Variants in ARK2C observed in about 807,000 individuals in gnomAD.
ARK2C encodes the protein E3 ubiquitin-protein ligase ARK2C.
At chr18:46,376,338 TC>T in the ARK2C span, among the ~76,000 whole-genome samples, 1 of 152,234 alleles carries the variant, frequency 6.6e-6, no homozygotes, top group African/African-American at 2.4e-5. Context: ...AAACTGAGGT[TC>T]CGTGTGGTTA....
At chr18:46,422,155 C>T in the ARK2C span, among the ~76,000 whole-genome samples, 1 of 152,212 alleles carries the variant, frequency 6.6e-6, no homozygotes, top group African/African-American at 2.4e-5. Flanking sequence ...AGATGGCCCA[C>T]TTTCGTTTTC....
chr18:46,435,475 G>A, the ARK2C span: 3 of 1,149,538 alleles, frequency 2.6e-6, no homozygotes, highest in Non-Finnish European at 3.9e-6. Context: ...TGGAGTTTCT[G>A]TTTTCCTTCA....
chr18:46,442,200 C>A, the ARK2C span, among the ~76,000 whole-genome samples: 1 of 151,952 alleles, frequency 6.6e-6, no homozygotes, highest in African/African-American at 2.4e-5. Context: ...GCCTTTGATC[C>A]CATTACTTGT....
the ARK2C span, among the ~76,000 whole-genome samples, chr18:46,401,962 C>T: frequency 6.6e-6 from 1 of 152,206 alleles, no homozygotes; most frequent in East Asian, 1.9e-4. Context: ...CACTACAAAT[C>T]TGATGTGAAT....
the ARK2C span, among the ~76,000 whole-genome samples, chr18:46,349,984 AGAT>A: frequency 2.0e-5 from 3 of 152,238 alleles, no homozygotes; most frequent in Non-Finnish European, 2.9e-5. Flanking sequence ...TATCTGTATT[AGAT>A]GAGAATATAC....
At chr18:46,418,362 A>G in the ARK2C span, among the ~76,000 whole-genome samples, 3 of 152,240 alleles carry the variant, frequency 2.0e-5, no homozygotes, top group Non-Finnish European at 4.4e-5. Context: ...GTCTCCAAAA[A>G]AAAGGTGAAA....
the ARK2C span, among the ~76,000 whole-genome samples, chr18:46,378,038 G>A: frequency 6.6e-5 from 10 of 152,138 alleles, no homozygotes; most frequent in East Asian, 1.9e-3. Context: ...AGGGGTCTTG[G>A]CAACTGCTGA....
the ARK2C span, among the ~76,000 whole-genome samples, chr18:46,451,487 A>T: frequency 1.3e-5 from 2 of 152,206 alleles, no homozygotes; most frequent in Non-Finnish European, 2.9e-5. Flanking sequence ...ATAATGGAAT[A>T]TTATTCTGCA....
chr18:46,445,457 C>G, the ARK2C span, among the ~76,000 whole-genome samples: 1 of 152,182 alleles, frequency 6.6e-6, no homozygotes, highest in African/African-American at 2.4e-5. Context: ...CTTTGTTCAA[C>G]CTACTAAAAT....
the ARK2C span, among the ~76,000 whole-genome samples, chr18:46,424,060 G>A: frequency 2.6e-5 from 4 of 152,086 alleles, no homozygotes; most frequent in Admixed American, 6.5e-5. Flanking sequence ...CACTCACTTC[G>A]CAACTTTATT....
the ARK2C span, among the ~76,000 whole-genome samples, chr18:46,401,011 A>C: frequency 6.6e-6 from 1 of 152,102 alleles, no homozygotes; most frequent in Non-Finnish European, 1.5e-5. Context: ...TAAGCCTTGA[A>C]CTGGAAACGC....
At chr18:46,398,294 G>A in the ARK2C span, among the ~76,000 whole-genome samples, 5 of 151,786 alleles carry the variant, frequency 3.3e-5, no homozygotes, top group Non-Finnish European at 2.9e-5. Flanking sequence ...GAGTGTGTGT[G>A]TTCACAGTGA....
At chr18:46,403,541 A>G in the ARK2C span, among the ~76,000 whole-genome samples, 1 of 152,180 alleles carries the variant, frequency 6.6e-6, no homozygotes, top group Non-Finnish European at 1.5e-5. Context: ...TTCAATGACT[A>G]CTTATTGAAT....
chr18:46,336,945 AC>A, the ARK2C span: 1 of 985,452 alleles, frequency 1.0e-6, no homozygotes, highest in Non-Finnish European at 1.2e-6. Context: ...AACTTGGTGC[AC>A]CAAGGTCCCT....
chr18:46,393,943 G>A, the ARK2C span, among the ~76,000 whole-genome samples: 2 of 152,202 alleles, frequency 1.3e-5, no homozygotes, highest in African/African-American at 2.4e-5. Context: ...CCACTGCCTG[G>A]TGGGGATCCT....
chr18:46,420,406 C>T, the ARK2C span, among the ~76,000 whole-genome samples: 1 of 152,140 alleles, frequency 6.6e-6, no homozygotes, highest in Non-Finnish European at 1.5e-5. Flanking sequence ...TTCACAGGGC[C>T]GGGCTTGTGT....
chr18:46,370,888 C>T, the ARK2C span, among the ~76,000 whole-genome samples: 1 of 152,124 alleles, frequency 6.6e-6, no homozygotes, highest in Non-Finnish European at 1.5e-5. Context: ...GAATCAGGTA[C>T]ACGAAAAGGA....
At chr18:46,372,193 T>A in the ARK2C span, among the ~76,000 whole-genome samples, 7 of 152,206 alleles carry the variant, frequency 4.6e-5, no homozygotes, top group Admixed American at 1.3e-4. Context: ...TCAGAGGCAC[T>A]GAAGGGTCCT....
At chr18:46,399,386 C>A in the ARK2C span, among the ~76,000 whole-genome samples, 1 of 152,194 alleles carries the variant, frequency 6.6e-6, no homozygotes, top group Non-Finnish European at 1.5e-5. Context: ...GTGTCCCCCG[C>A]CCCCCATTTT....
Sources: allele counts gnomAD v4.1 joint callset (sites outside exome capture counted in the v4.1 genomes callset), GRCh38; gene constraint gnomAD v4.1.1; transcripts MANE v1.5; gene names NCBI Gene and HGNC (gene_info 2026-07-23, HGNC 2026-07-21).